FBXO25: variants seen among roughly 807,000 people sequenced by gnomAD.
FBXO25 encodes the protein F-box only protein 25.
A neutral mutation model predicts 51.9 loss-of-function variants in FBXO25; 45 were observed. The ratio of observed to expected loss-of-function variants is 0.87; its 90% CI spans 0.68 to 1.11. The LOEUF is 1.11. Among genes scored for constraint, FBXO25 ranks in the 50% most tolerant of loss-of-function variants. The pLI, the probability that FBXO25 is intolerant of heterozygous loss-of-function variation, is 0.00. For synonymous variants in FBXO25, 199 were observed against 151.0 expected (o/e 1.32, Z -2.33); for missense variants, 507 against 428.5 (o/e 1.18, Z -1.62).
rs543170803 is a variant in FBXO25, at chr8:407,951, C to T, written c.-8+885C>T. Among the ~76,000 whole-genome samples the T allele has an allele frequency of 2.8e-4, 43 of 152,318 alleles. No homozygotes were observed. The South Asian group carries it at 7.2e-3, about 26-fold the overall frequency. On this transcript the variant is annotated intron_variant, in intron 1 of 9. Coordinates refer to ENST00000350302, the MANE Select transcript of FBXO25 (RefSeq NM_183420.2). ...GACTAAAGAATCTAGAGAACCATTTCTTCCCTTATGAAGCTGTCTCTTGCT... is the reference window on the plus strand; with the variant it reads ...GACTAAAGAATCTAGAGAACCATTTTTTCCCTTATGAAGCTGTCTCTTGCT...
rs911885399 is a variant in FBXO25, at chr8:470,620, A to G, written c.*1816A>G. ...GGTCTCAGGAGTTTGAGCTCAAGCA[A>G]TCCACCTGCCTCAGCTTCCCAAAGT... On this transcript the variant is annotated 3_prime_UTR_variant, in exon 10 of 10. Coordinates refer to ENST00000350302, the MANE Select transcript of FBXO25 (RefSeq NM_183420.2). 1.3e-5 allele frequency: 2 copies of G among 152,202 alleles called. No individual in the cohort carries two copies. Among genetic ancestry groups the G allele is most frequent in the African/African-American group, 4.8e-5 (2 of 41,430 alleles). 9.4% of individuals were successfully genotyped at this position (152,202 alleles called of 1,614,324 possible).
At chr8:429,484 C>T (rs887804316) in intron 2 of FBXO25, among the ~76,000 whole-genome samples, 1 of 152,050 alleles carries the variant, frequency 6.6e-6, no homozygotes, top group African/African-American at 2.4e-5. Flanking sequence ...TTTGCTGTGA[C>T]GTGTAGTTGA....
rs1166765040 is a variant in FBXO25, at chr8:474,125, C to G, written c.*5321C>G. 1 of 154,204 alleles carries G rather than the reference C, an allele frequency of 6.5e-6. No individual in the cohort carries two copies. Among genetic ancestry groups the G allele is most frequent in the Non-Finnish European group, 1.4e-5 (1 of 69,658 alleles). 9.6% of individuals were successfully genotyped at this position (154,204 alleles called of 1,614,324 possible). A position where few individuals can be genotyped will look rare whatever the true frequency, so the allele number is the denominator to read the frequency against. ...GCACCAACTCCCTATTCCCCATCCA[C>G]CAGCCCCTGGCAGCCTCTGTTCTCC... On this transcript the variant is annotated 3_prime_UTR_variant, in exon 10 of 10. Coordinates refer to ENST00000350302, the MANE Select transcript of FBXO25 (RefSeq NM_183420.2).
At chr8:440,232 G>C (rs1282653688) in intron 5 of FBXO25, among the ~76,000 whole-genome samples, 1 of 152,170 alleles carries the variant, frequency 6.6e-6, no homozygotes, top group African/African-American at 2.4e-5. Context: ...GTAGATTTTA[G>C]CATCTACCTC....
chr8:468,026 C>G lies in FBXO25; in HGVS notation c.988-689C>G, dbSNP rs541880905. The G allele has an allele frequency of 1.8e-5, 23 of 1,297,582 alleles. No homozygotes were observed. The African/African-American group carries it at 3.1e-4, about 18-fold the overall frequency. The allele number at this position is 1,297,582 out of a possible 1,614,324, so 80.4% of individuals were successfully genotyped here. On this transcript the variant is annotated intron_variant, in intron 9 of 9. Transcript: ENST00000350302. ...CACCACACAGCACCTGGTTTGGCAG[C>G]ACTGCCAGGGCATGCCATGGAGAGA...
intron 5 of FBXO25, among the ~76,000 whole-genome samples, chr8:445,914 C>G (rs1375300119): frequency 6.6e-6 from 1 of 152,180 alleles, no homozygotes; most frequent in Non-Finnish European, 1.5e-5. Flanking sequence ...ATGTCTCACA[C>G]CTTGGCACCC....
At chr8:458,248 A>G (rs1799582541) in intron 7 of FBXO25, 121 bp from the exon 8 acceptor site, 19 of 1,119,282 alleles carry the variant, frequency 1.7e-5, no homozygotes, top group East Asian at 4.8e-5. Context: ...GACGCATGAC[A>G]TGGAGAGCTC....
In FBXO25 at chr8:469,859, C is replaced by CT. The variant is rs1311698567; in HGVS notation, c.*1059dup. On this transcript the variant is annotated 3_prime_UTR_variant, in exon 10 of 10. Transcript: ENST00000350302. Reference sequence around the variant, plus strand: ...CTTTAAGCATAATAATAAAAGTATACTTTTATGGCGTTATAAATAGGACTA... The same window carrying CT: ...CTTTAAGCATAATAATAAAAGTATACTTTTTATGGCGTTATAAATAGGACTA... 2 of 152,096 alleles carry CT rather than the reference C, an allele frequency of 1.3e-5. No homozygotes were observed. The highest frequency in any genetic ancestry group is 2.9e-5 in the Non-Finnish European group (2 of 68,020). The allele number at this position is 152,096 out of a possible 1,614,324, so 9.4% of individuals were successfully genotyped here. A position where few individuals can be genotyped will look rare whatever the true frequency, so the allele number is the denominator to read the frequency against.
chr8:414,180 A>G (rs765940273), intron 2 of FBXO25, among the ~76,000 whole-genome samples: 2 of 152,240 alleles, frequency 1.3e-5, no homozygotes, highest in Non-Finnish European at 2.9e-5. Flanking sequence ...AACACATAAT[A>G]TTTTTAAACT....
intron 5 of FBXO25, among the ~76,000 whole-genome samples, chr8:444,769 T>A (rs947027712): frequency 2.0e-5 from 3 of 152,216 alleles, no homozygotes; most frequent in Non-Finnish European, 4.4e-5. Context: ...TATGTTTAGA[T>A]ATATTTAGAT....
intron 9 of FBXO25, chr8:467,618 C>G (rs1261734911): frequency 8.5e-7 from 1 of 1,171,822 alleles, no homozygotes; most frequent in African/African-American, 1.5e-5. Flanking sequence ...TGAATCAAAC[C>G]TGAATGCTTA....
rs1800691676 is a variant in FBXO25, at chr8:477,954, G to C, written c.*9150G>C. 6.6e-6 allele frequency: 1 copy of C among 151,918 alleles called. No individual in the cohort carries two copies. Among genetic ancestry groups the C allele is most frequent in the Non-Finnish European group, 1.5e-5 (1 of 67,976 alleles). The allele number at this position is 151,918 out of a possible 1,614,324, so 9.4% of individuals were successfully genotyped here. On this transcript the variant is annotated 3_prime_UTR_variant, in exon 10 of 10. Transcript: ENST00000350302. ...ATCTATTTGACATTTTCCATTAAAA[G>C]TTATATAACACTACTTTTTTGTACT...
intron 2 of FBXO25, among the ~76,000 whole-genome samples, chr8:428,771 C>G (rs1482496143): frequency 6.6e-6 from 1 of 152,148 alleles, no homozygotes; most frequent in South Asian, 2.1e-4. Context: ...TTCTGAGTAC[C>G]TCATATAAGT....
chr8:418,219 T>C (rs1796927120), intron 2 of FBXO25, among the ~76,000 whole-genome samples: 1 of 152,208 alleles, frequency 6.6e-6, no homozygotes, highest in African/African-American at 2.4e-5. Context: ...ACAAGGTGTT[T>C]ACAGCAGCCT....
chr8:423,170 TC>T (rs1797258310), intron 2 of FBXO25, among the ~76,000 whole-genome samples: 1 of 151,126 alleles, frequency 6.6e-6, no homozygotes, highest in African/African-American at 2.4e-5. Context: ...CTCTCTGTCT[TC>T]CTGGACTTCC....
chr8:413,745 G>C (rs1268608569), intron 2 of FBXO25, among the ~76,000 whole-genome samples: 2 of 152,220 alleles, frequency 1.3e-5, no homozygotes, highest in Non-Finnish European at 2.9e-5. Context: ...GGTGGGGTTG[G>C]TGAGACACGA....
chr8:468,956 C>A lies in FBXO25; in HGVS notation c.*152C>A. On this transcript the variant is annotated 3_prime_UTR_variant, in exon 10 of 10. Transcript: ENST00000350302. ...CTGCCCTTCTGCAAAGGGGGGACTG[C>A]ATGGTTGCATTTTCATCACTGAAAG... The A allele has an allele frequency of 1.6e-6, 1 of 626,922 alleles. No homozygotes were observed. The highest frequency in any genetic ancestry group is 2.7e-6 in the Non-Finnish European group (1 of 373,674). 38.8% of individuals were successfully genotyped at this position (626,922 alleles called of 1,614,324 possible).
At chr8:456,825 T>A (rs1332104745) in intron 7 of FBXO25, among the ~76,000 whole-genome samples, 1 of 152,120 alleles carries the variant, frequency 6.6e-6, no homozygotes, top group East Asian at 1.9e-4. Context: ...CTGCAGCAGT[T>A]TCCATTCTGA....
At position 450,229 on chromosome 8, in the gene FBXO25, C is replaced by T. The variant is rs1302985009; in HGVS notation, c.475+146C>T. ...ATGTGATAACATCAGAAATACAGGT[C>T]ATCCTTCCAGTTCCCAGTGTTCTGT... On this transcript the variant is annotated intron_variant, in intron 6 of 9. Coordinates refer to ENST00000350302, the MANE Select transcript of FBXO25 (RefSeq NM_183420.2). The T allele has an allele frequency of 1.7e-5, 9 of 525,202 alleles. No individual in the cohort carries two copies. In the East Asian group the frequency reaches 2.3e-4, roughly 14 times the overall value. The allele number at this position is 525,202 out of a possible 1,614,324, so 32.5% of individuals were successfully genotyped here.
Sources: gnomAD v4.1 joint callset for allele counts (sites outside exome capture counted in the v4.1 genomes callset) on GRCh38, gnomAD v4.1.1 for gene constraint, MANE v1.5 for transcripts, NCBI Gene and HGNC (gene_info 2026-07-23, HGNC 2026-07-21) for gene names.